The following LMNTD1 variants were observed in gnomAD, a reference collection of about 807,000 sequenced individuals.
LMNTD1 encodes lamin tail domain containing 1, also known as lamin tail domain-containing protein 1.
In LMNTD1, 35 loss-of-function variants were observed where a neutral mutation model predicts 50.9. The observed-to-expected ratio is 0.69, with a 90% confidence interval of 0.53 to 0.91. The LOEUF (loss-of-function observed/expected upper bound fraction) is 0.91, where lower values mean the gene tolerates loss of function less well. Among genes scored for constraint, LMNTD1 ranks in the 40% least tolerant of loss-of-function variants. LMNTD1 has a pLI of 0.00. For synonymous variants in LMNTD1, 153 were observed against 161.9 expected, an observed-to-expected ratio of 0.94 and a Z score of 0.42; for missense variants, 470 against 475.5, an observed-to-expected ratio of 0.99 and a Z score of 0.11.
intron 1 of LMNTD1, among the ~76,000 whole-genome samples, chr12:25,619,217 ACTCTCTCTCTCTCTCTCTCT>A (rs143233739): frequency 3.3e-5 from 4 of 120,112 alleles, no homozygotes; most frequent in African/African-American, 9.6e-5. Flanking sequence ...ATGCTTTTCA[ACTCTCTCTCTCTCTCTCTCT>A]CTCTCTCTCT....
intron 1 of LMNTD1, among the ~76,000 whole-genome samples, chr12:25,640,487 CAG>C (rs1250889331): frequency 7.0e-6 from 1 of 142,982 alleles, no homozygotes; most frequent in Non-Finnish European, 1.5e-5. Context: ...GCCTGAGTAA[CAG>C]AGTGAGACTG....
At chr12:25,610,966 T>C (rs1218361509) in intron 1 of LMNTD1, among the ~76,000 whole-genome samples, 1 of 152,084 alleles carries the variant, frequency 6.6e-6, no homozygotes, top group African/African-American at 2.4e-5. Context: ...GGTGAGAGAT[T>C]CTCAAGTAAC....
chr12:25,616,982 C>T (rs1946365398), intron 1 of LMNTD1, among the ~76,000 whole-genome samples: 3 of 152,072 alleles, frequency 2.0e-5, no homozygotes, highest in Non-Finnish European at 4.4e-5. Context: ...ATGAAGTATA[C>T]TGTATGTAAA....
chr12:25,579,250 A>G (rs932945723), intron 1 of LMNTD1, among the ~76,000 whole-genome samples: 2 of 152,226 alleles, frequency 1.3e-5, no homozygotes, highest in South Asian at 4.1e-4. Flanking sequence ...GAATAGTTGC[A>G]TCTGTACTGA....
At chr12:25,609,370 T>C (rs1946192260) in intron 1 of LMNTD1, among the ~76,000 whole-genome samples, 1 of 152,216 alleles carries the variant, frequency 6.6e-6, no homozygotes, top group Non-Finnish European at 1.5e-5. Flanking sequence ...CCATTGCTCG[T>C]GAGGAGCTGC....
intron 1 of LMNTD1, among the ~76,000 whole-genome samples, chr12:25,600,448 A>G (rs1179149260): frequency 1.3e-5 from 2 of 151,830 alleles, no homozygotes; most frequent in East Asian, 3.9e-4. Flanking sequence ...ATGGACAAAG[A>G]GGATCAAATC....
intron 1 of LMNTD1, among the ~76,000 whole-genome samples, chr12:25,627,797 G>A (rs1184522208): frequency 6.6e-6 from 1 of 152,110 alleles, no homozygotes; most frequent in Non-Finnish European, 1.5e-5. Context: ...CTTTCTTGTA[G>A]CCAATCCTTT....
At chr12:25,549,692 T>G (rs79834495) in intron 2 of LMNTD1, 146 bp from the exon 3 acceptor site, 7,532 of 435,034 alleles carry the variant, frequency 0.017, 260 homozygotes, top group African/African-American at 0.1. Flanking sequence ...CATCTTGTAT[T>G]TCTAGTTTTA....
intron 1 of LMNTD1, among the ~76,000 whole-genome samples, chr12:25,589,621 T>C (rs2136463182): frequency 6.6e-6 from 1 of 152,352 alleles, no homozygotes; most frequent in Non-Finnish European, 1.5e-5. Context: ...TGTTATCTAT[T>C]TCATTTTATA....
intron 1 of LMNTD1, among the ~76,000 whole-genome samples, chr12:25,568,568 A>G (rs1229913056): frequency 6.6e-6 from 1 of 152,214 alleles, no homozygotes; most frequent in Non-Finnish European, 1.5e-5. Context: ...TCAGAGACTT[A>G]TGAGGCAGCT....
At chr12:25,567,189 C>A (rs1944589308) in intron 1 of LMNTD1, among the ~76,000 whole-genome samples, 1 of 152,194 alleles carries the variant, frequency 6.6e-6, no homozygotes, top group Non-Finnish European at 1.5e-5. Flanking sequence ...AAACTGAACT[C>A]TAAGAACCCT....
intron 1 of LMNTD1, among the ~76,000 whole-genome samples, chr12:25,566,907 G>C (rs1944579792): frequency 1.3e-5 from 2 of 152,154 alleles, no homozygotes; most frequent in South Asian, 4.1e-4. Context: ...AACAAATTTA[G>C]GCTGGTAAAT....
chr12:25,483,002 T>C (rs993392896), intron 9 of LMNTD1, among the ~76,000 whole-genome samples: 1 of 152,014 alleles, frequency 6.6e-6, no homozygotes, highest in Non-Finnish European at 1.5e-5. Context: ...GCCACACAGT[T>C]CAGTAATCTC....
chr12:25,615,712 T>C (rs976285387), intron 1 of LMNTD1, among the ~76,000 whole-genome samples: 1 of 152,290 alleles, frequency 6.6e-6, no homozygotes, highest in East Asian at 1.9e-4. Context: ...CTGCCTGCCT[T>C]GGCCTCCTAA....
chr12:25,562,154 T>A (rs1336301729), intron 1 of LMNTD1, among the ~76,000 whole-genome samples: 1 of 152,220 alleles, frequency 6.6e-6, no homozygotes, highest in Non-Finnish European at 1.5e-5. Flanking sequence ...TTAATATTGT[T>A]ATGTGTGAAT....
At chr12:25,478,812 ACTACCTT>A (rs1366887255) in intron 9 of LMNTD1, among the ~76,000 whole-genome samples, 3 of 152,014 alleles carry the variant, frequency 2.0e-5, no homozygotes, top group Non-Finnish European at 4.4e-5. Flanking sequence ...GGTATTGATG[ACTACCTT>A]CTTCTACTAC....
chr12:25,494,166 A>G (rs892950065), intron 9 of LMNTD1, among the ~76,000 whole-genome samples: 12 of 152,192 alleles, frequency 7.9e-5, no homozygotes, highest in African/African-American at 2.7e-4. Context: ...TCTGAACTCT[A>G]TTCATTGACT....
intron 1 of LMNTD1, among the ~76,000 whole-genome samples, chr12:25,575,147 A>G (rs968016627): frequency 6.6e-6 from 1 of 152,078 alleles, no homozygotes; most frequent in Non-Finnish European, 1.5e-5. Flanking sequence ...AGCTACCAAG[A>G]AAAAAAGCCC....
chr12:25,605,814 TG>T (rs1462007177), intron 1 of LMNTD1, among the ~76,000 whole-genome samples: 7 of 151,336 alleles, frequency 4.6e-5, no homozygotes, highest in African/African-American at 1.7e-4. Flanking sequence ...TAGGCAAATG[TG>T]GGCTCTTTTT....
Sources: gnomAD v4.1 joint callset for allele counts (sites outside exome capture counted in the v4.1 genomes callset) on GRCh38, gnomAD v4.1.1 for gene constraint, MANE v1.5 for transcripts, NCBI Gene and HGNC (gene_info 2026-07-23, HGNC 2026-07-21) for gene names.